LRCH2: variants seen among roughly 807,000 people sequenced by gnomAD.
LRCH2 encodes the protein leucine-rich repeat and calponin homology domain-containing protein 2.
In LRCH2, 38 loss-of-function variants were observed where a neutral mutation model predicts 68.9. That is an observed-to-expected ratio of 0.55 (90% CI 0.43 to 0.72). The LOEUF (loss-of-function observed/expected upper bound fraction) is 0.72. Among genes scored for constraint, LRCH2 ranks in the 30% least tolerant of loss-of-function variants. The pLI is 0.00. For missense variants in LRCH2, 528 were observed against 572.9 expected (o/e 0.92, Z 0.80); for synonymous variants, 191 against 208.1 (o/e 0.92, Z 0.71).
chrX:115,165,171 C>A (rs1055107837), intron 10 of LRCH2, among the ~76,000 whole-genome samples: 2 of 110,364 alleles, frequency 1.8e-5, no homozygotes, highest in Non-Finnish European at 3.8e-5. Flanking sequence ...TAATAGAAGT[C>A]ATCATTACAC....
intron 1 of LRCH2, among the ~76,000 whole-genome samples, chrX:115,215,611 A>C (rs893842279): frequency 9.2e-6 from 1 of 108,155 alleles, no homozygotes; most frequent in Non-Finnish European, 1.9e-5. Context: ...AAAATAAAAA[A>C]TTAGCCAAGT....
intron 11 of LRCH2, among the ~76,000 whole-genome samples, chrX:115,159,748 CAAAA>C (rs71894663): frequency 3.8e-5 from 3 of 78,970 alleles, no homozygotes; most frequent in Non-Finnish European, 7.3e-5. Context: ...GAGACTGTCT[CAAAA>C]AAAAAAAAAA....
At chrX:115,117,220 C>A (rs2072090296) in intron 20 of LRCH2, among the ~76,000 whole-genome samples, 1 of 111,253 alleles carries the variant, frequency 9.0e-6, no homozygotes, top group Non-Finnish European at 1.9e-5. Flanking sequence ...TAGGAAAATG[C>A]AAATTAAAAC....
intron 11 of LRCH2, among the ~76,000 whole-genome samples, chrX:115,158,313 G>A (rs782181141): frequency 2.7e-5 from 3 of 111,389 alleles, no homozygotes; most frequent in African/African-American, 9.8e-5. Context: ...CCAAAAGATG[G>A]GAGAAGATGT....
intron 14 of LRCH2, among the ~76,000 whole-genome samples, chrX:115,133,917 G>A (rs781794826): frequency 1.5e-4 from 17 of 112,131 alleles, no homozygotes; most frequent in Non-Finnish European, 2.4e-4. Flanking sequence ...ATTAAGCTTA[G>A]TGAGGAAGAC....
intron 1 of LRCH2, chrX:115,189,977 G>A (rs868982641): frequency 8.6e-6 from 10 of 1,162,399 alleles, no homozygotes; most frequent in East Asian, 6.5e-5. Flanking sequence ...TGTGGAATGC[G>A]CGGGAAGGCA....
chrX:115,190,547 G>A, intron 1 of LRCH2: 3 of 1,167,620 alleles, frequency 2.6e-6, no homozygotes, highest in South Asian at 3.8e-5. Flanking sequence ...TATAGTGGGG[G>A]CCGCAGCAGT....
chrX:115,218,728 C>G (rs1281848257), intron 1 of LRCH2, among the ~76,000 whole-genome samples: 8 of 112,072 alleles, frequency 7.1e-5, no homozygotes, highest in Non-Finnish European at 1.3e-4. Flanking sequence ...CACAAAGTGG[C>G]CAATGGGAAT....
intron 14 of LRCH2, among the ~76,000 whole-genome samples, chrX:115,132,643 C>T (rs1480152457): frequency 8.9e-6 from 1 of 111,930 alleles, no homozygotes; most frequent in Non-Finnish European, 1.9e-5. Flanking sequence ...GCAACTATCA[C>T]TAATCTAGCA....
At position 115,163,676 on chromosome X, in the gene LRCH2, C is replaced by G; in HGVS notation, c.1463G>C (p.Arg488Thr). 8.6e-7 allele frequency: 1 copy of G among 1,165,866 alleles called. No individual in the cohort carries two copies. The highest frequency in any genetic ancestry group is 1.2e-6 in the Non-Finnish European group (1 of 864,050). ...CAAATCTCATTACTGAAAGGAATAC[C>G]TGTTCTTCTGTTCTTGCTGCAATAA... ...AQLLQQEQKN[R>T]ILNHSTSVMR... Residue 488 changes from arginine (R) to threonine (T), a missense_variant and splice_region_variant, in exon 11 of 21, where the codon AGG becomes ACG. Coordinates refer to ENST00000317135, the MANE Select transcript of LRCH2 (RefSeq NM_020871.4).
intron 20 of LRCH2, among the ~76,000 whole-genome samples, chrX:115,116,031 CA>C (rs1556523931): frequency 9.0e-6 from 1 of 110,618 alleles, no homozygotes; most frequent in African/African-American, 3.3e-5. Context: ...TAGCTACAAC[CA>C]AAAAGGTAGA....
chrX:115,181,311 A>G (rs1309508430), intron 3 of LRCH2, among the ~76,000 whole-genome samples: 1 of 112,197 alleles, frequency 8.9e-6, no homozygotes, highest in Non-Finnish European at 1.9e-5. Flanking sequence ...TCTGACTTAT[A>G]TTTTGACAGG....
intron 15 of LRCH2, among the ~76,000 whole-genome samples, chrX:115,127,109 G>A (rs1007145640): frequency 2.7e-5 from 3 of 111,047 alleles, no homozygotes; most frequent in Non-Finnish European, 5.7e-5. Context: ...GGCCTCACCC[G>A]AGACCTAACT....
chrX:115,209,143 TATACAC>T (rs1556569166), intron 1 of LRCH2, among the ~76,000 whole-genome samples: 2 of 112,539 alleles, frequency 1.8e-5, no homozygotes, highest in African/African-American at 6.5e-5. Flanking sequence ...AGGCAAATAT[TATACAC>T]ATACACCCTA....
At position 115,195,741 on chromosome X, in the gene LRCH2, G is replaced by A. The variant is rs1017357874; in HGVS notation, c.350-7371C>T. Reference sequence around the variant, plus strand: ...ACTGGCAATGAATCCCTAAGAGAGAGTGAGTGAGTATCTTTCTGCAGTCCA... The same window carrying A: ...ACTGGCAATGAATCCCTAAGAGAGAATGAGTGAGTATCTTTCTGCAGTCCA... On this transcript the variant is annotated intron_variant, in intron 1 of 20. Transcript: ENST00000317135. Among the ~76,000 whole-genome samples the A allele has an allele frequency of 2.7e-5, 3 of 111,477 alleles. No individual in the cohort carries two copies. In the South Asian group the frequency reaches 1.2e-3, roughly 43 times the overall value.
At chrX:115,161,337 G>C in intron 11 of LRCH2, among the ~76,000 whole-genome samples, 1 of 110,601 alleles carries the variant, frequency 9.0e-6, no homozygotes, top group Non-Finnish European at 1.9e-5. Context: ...CTGGGCAACA[G>C]AGCAAGACTC....
rs1204739409 is a variant in LRCH2 at position 115,116,644 on chromosome X, A to G, written c.2179-3309T>C. 2.4e-4 allele frequency among the ~76,000 whole-genome samples: 27 copies of G among 111,348 alleles called. No homozygotes were observed. The Admixed American group carries it at 2.6e-3, about 11-fold the overall frequency. On this transcript the variant is annotated intron_variant, in intron 20 of 20. Transcript: ENST00000317135. ...AAAACCATTTAATTGTACACTTTAAATCAGTGAATGCTATGGCATTGTAAT... is the reference window on the plus strand; with the variant it reads ...AAAACCATTTAATTGTACACTTTAAGTCAGTGAATGCTATGGCATTGTAAT...
At chrX:115,161,149 T>C (rs1352552879) in intron 11 of LRCH2, among the ~76,000 whole-genome samples, 1 of 111,191 alleles carries the variant, frequency 9.0e-6, no homozygotes, top group East Asian at 2.8e-4. Context: ...GGCCAGGAGT[T>C]TCAGACCAGC....
At chrX:115,151,872 G>A (rs782783503) in intron 12 of LRCH2, among the ~76,000 whole-genome samples, 1 of 110,862 alleles carries the variant, frequency 9.0e-6, no homozygotes. Flanking sequence ...AGTCTAGCAG[G>A]CCCAGAATTC....
Sources: gnomAD v4.1 joint callset for allele counts (sites outside exome capture counted in the v4.1 genomes callset) on GRCh38, gnomAD v4.1.1 for gene constraint, MANE v1.5 for transcripts, NCBI Gene and HGNC (gene_info 2026-07-23, HGNC 2026-07-21) for gene names.